Variants in RFPL1 observed in about 807,000 individuals in gnomAD.
RFPL1 encodes the protein ret finger protein-like 1.
A neutral mutation model predicts 9.6 loss-of-function variants in RFPL1; 6 were observed. The ratio of observed to expected loss-of-function variants is 0.62; its 90% confidence interval spans 0.34 to 1.23. RFPL1 has a LOEUF of 1.23. RFPL1 is among the 50% of genes most tolerant of loss of function. The probability of loss-of-function intolerance (pLI) is 0.03; values close to 1 mark genes in which losing one functional copy is unlikely to be tolerated. For synonymous variants in RFPL1, 145 were observed against 149.4 expected, an observed-to-expected ratio of 0.97 and a Z score of 0.22; for missense variants, 352 against 398.4, an observed-to-expected ratio of 0.88 and a Z score of 0.99.
chr22:29,406,109 C>T, the RFPL1 span, among the ~76,000 whole-genome samples: 5 of 56,230 alleles, frequency 8.9e-5, no homozygotes, highest in South Asian at 8.2e-4. Context: ...GAGCGAGACT[C>T]CTTCTCAAAA....
the RFPL1 span, among the ~76,000 whole-genome samples, chr22:29,411,625 C>G: frequency 6.6e-6 from 1 of 151,896 alleles, no homozygotes; most frequent in Non-Finnish European, 1.5e-5. Flanking sequence ...CTCTAGAAGA[C>G]TTGGTGGACT....
chr22:29,433,513 G>T, the RFPL1 span: 1 of 176,808 alleles, frequency 5.7e-6, no homozygotes, highest in African/African-American at 2.4e-5. Context: ...CCCCAGCTGA[G>T]AAGAATTCTA....
chr22:29,439,473 A>T (rs1287818784), intron 1 of RFPL1: 1 of 308,006 alleles, frequency 3.2e-6, no homozygotes, highest in Non-Finnish European at 6.0e-6. Flanking sequence ...CTCTACTAAA[A>T]ATACAAAAAA....
At chr22:29,406,040 C>T in the RFPL1 span, among the ~76,000 whole-genome samples, 1 of 132,170 alleles carries the variant, frequency 7.6e-6, no homozygotes, top group Non-Finnish European at 1.6e-5. Context: ...ACCCGGGAAG[C>T]AGAGCTTGCA....
chr22:29,424,063 C>T, the RFPL1 span, among the ~76,000 whole-genome samples: 3 of 152,136 alleles, frequency 2.0e-5, no homozygotes, highest in East Asian at 1.9e-4. Flanking sequence ...GCCTGTAATC[C>T]CAGTTACTCA....
chr22:29,398,816 G>A, the RFPL1 span, among the ~76,000 whole-genome samples: 1 of 152,140 alleles, frequency 6.6e-6, no homozygotes, highest in Non-Finnish European at 1.5e-5. Flanking sequence ...TGTCCTATGT[G>A]GAACTTCCAG....
the RFPL1 span, among the ~76,000 whole-genome samples, chr22:29,410,415 A>AGATATATATATTG: frequency 3.3e-4 from 28 of 83,724 alleles, no homozygotes; most frequent in Non-Finnish European, 4.6e-4. Context: ...ATCTATATAT[A>AGATATATATATTG]TAGATATATA....
chr22:29,397,327 GA>G, the RFPL1 span, among the ~76,000 whole-genome samples: 1 of 152,118 alleles, frequency 6.6e-6, no homozygotes, highest in Non-Finnish European at 1.5e-5. Flanking sequence ...GAATTGGGGG[GA>G]TACACTGATT....
chr22:29,390,754 C>T, the RFPL1 span, among the ~76,000 whole-genome samples: 1 of 151,320 alleles, frequency 6.6e-6, no homozygotes, highest in Non-Finnish European at 1.5e-5. Context: ...CGCCACCACG[C>T]CCGGCTAATT....
At chr22:29,413,622 A>G in the RFPL1 span, among the ~76,000 whole-genome samples, 4 of 152,182 alleles carry the variant, frequency 2.6e-5, no homozygotes, top group Non-Finnish European at 5.9e-5. Flanking sequence ...TCACCTTTAT[A>G]TTAGTGTTAT....
the RFPL1 span, among the ~76,000 whole-genome samples, chr22:29,417,497 A>C: frequency 4.2e-5 from 6 of 144,470 alleles, no homozygotes; most frequent in African/African-American, 1.4e-4. Context: ...CTCAGCACCC[A>C]GGTTATGAGG....
the RFPL1 span, among the ~76,000 whole-genome samples, chr22:29,421,335 A>G: frequency 6.6e-6 from 1 of 152,136 alleles, no homozygotes; most frequent in East Asian, 1.9e-4. Flanking sequence ...CTGTAGTCCC[A>G]GCTACTTGGG....
the RFPL1 span, among the ~76,000 whole-genome samples, chr22:29,410,590 T>TAG: frequency 7.7e-6 from 1 of 130,290 alleles, no homozygotes; most frequent in African/African-American, 2.8e-5. Context: ...TATCTATCTA[T>TAG]ATATAGATAT....
the RFPL1 span, among the ~76,000 whole-genome samples, chr22:29,391,057 G>A: frequency 6.6e-6 from 1 of 151,812 alleles, no homozygotes; most frequent in Non-Finnish European, 1.5e-5. Context: ...CAGGAGAATG[G>A]CGTGAACCCG....
the RFPL1 span, among the ~76,000 whole-genome samples, chr22:29,407,267 T>C: frequency 6.6e-6 from 1 of 152,150 alleles, no homozygotes; most frequent in African/African-American, 2.4e-5. Flanking sequence ...CTAATTTTTT[T>C]TTTTTCGTAG....
At chr22:29,397,353 G>C in the RFPL1 span, among the ~76,000 whole-genome samples, 1 of 152,042 alleles carries the variant, frequency 6.6e-6, no homozygotes, top group African/African-American at 2.4e-5. Context: ...TCTTCAACTG[G>C]TTCAGCTCTA....
the RFPL1 span, among the ~76,000 whole-genome samples, chr22:29,405,675 T>G: frequency 6.6e-6 from 1 of 152,176 alleles, no homozygotes; most frequent in Non-Finnish European, 1.5e-5. Context: ...AACTACATTC[T>G]TGCCCCACAT....
At chr22:29,410,428 T>C in the RFPL1 span, among the ~76,000 whole-genome samples, 5 of 50,198 alleles carry the variant, frequency 1.0e-4, no homozygotes, top group African/African-American at 2.2e-4. Flanking sequence ...GATATATATA[T>C]TGTAGATATA....
chr22:29,406,115 CAAAAAA>C, the RFPL1 span, among the ~76,000 whole-genome samples: 1 of 9,758 alleles, frequency 1.0e-4, no homozygotes, highest in Admixed American at 1.5e-3. Context: ...GACTCCTTCT[CAAAAAA>C]AAAAAAAAAA....
Sources: gnomAD v4.1 joint callset for allele counts (sites outside exome capture counted in the v4.1 genomes callset) on GRCh38, gnomAD v4.1.1 for gene constraint, MANE v1.5 for transcripts, NCBI Gene and HGNC (gene_info 2026-07-23, HGNC 2026-07-21) for gene names.